Variants in UBR1 observed in about 807,000 individuals in gnomAD.
UBR1 encodes E3 ubiquitin-protein ligase UBR1.
A neutral mutation model predicts 242.1 loss-of-function variants in UBR1; 102 were observed. The ratio of observed to expected loss-of-function variants is 0.42; its 90% confidence interval spans 0.36 to 0.50. The LOEUF (loss-of-function observed/expected upper bound fraction) is 0.50. UBR1 is among the 20% of genes least tolerant of loss of function. The probability of loss-of-function intolerance (pLI) is 0.01; values close to 1 mark genes in which losing one functional copy is unlikely to be tolerated. For synonymous variants in UBR1, 675 were observed against 684.8 expected (o/e 0.99, Z 0.22); for missense variants, 1,772 against 2,101.8 (o/e 0.84, Z 3.07).
chr15:43,081,365 C>G (rs889221917), intron 3 of UBR1, among the ~76,000 whole-genome samples: 24 of 148,568 alleles, frequency 1.6e-4, no homozygotes, highest in African/African-American at 5.5e-4. Flanking sequence ...TGTGGTGAGC[C>G]GAGATCGCAC....
rs2032327436 is a variant in UBR1, at chr15:42,978,733, T to C, written c.4151-786A>G. Among the ~76,000 whole-genome samples, 2 of 131,706 alleles carry C rather than the reference T, an allele frequency of 1.5e-5. 1 individual carries two copies. Among genetic ancestry groups the C allele is most frequent in the Admixed American group, 1.5e-4 (2 of 13,512 alleles). 86.4% of individuals were successfully genotyped at this position (131,706 alleles called of 152,430 possible). A position where few individuals can be genotyped will look rare whatever the true frequency, so the allele number is the denominator to read the frequency against. On this transcript the variant is annotated intron_variant, in intron 37 of 46. Transcript: ENST00000290650. The stretch of plus-strand genomic sequence containing the variant: ...GGTAAATTTCTTTTCTTTTCTTTTC[T>C]TTTTTTTTTTTTTTAGACAGAATCT...
intron 32 of UBR1, among the ~76,000 whole-genome samples, chr15:43,001,288 T>C (rs759992266): frequency 4.6e-5 from 7 of 152,034 alleles, no homozygotes; most frequent in African/African-American, 1.4e-4. Context: ...GCTGGGATTA[T>C]AGGTGCCCAC....
chr15:43,022,805 A>T lies in UBR1; in HGVS notation c.2740-4T>A. 2 of 1,593,260 alleles carry T rather than the reference A, an allele frequency of 1.3e-6. No individual in the cohort carries two copies. Among genetic ancestry groups the T allele is most frequent in the Non-Finnish European group, 1.7e-6 (2 of 1,162,460 alleles). On this transcript the variant is annotated splice_region_variant and splice_polypyrimidine_tract_variant and intron_variant, in intron 25 of 46. Coordinates refer to ENST00000290650, the MANE Select transcript of UBR1 (RefSeq NM_174916.3). ...CCAATGCCAGAATATGAAAAGCCTG[A>T]AGGAGGAAAATAAGAGATCTTTAAA...
chr15:43,004,705 C>T (rs1426416830), intron 30 of UBR1, among the ~76,000 whole-genome samples: 1 of 152,220 alleles, frequency 6.6e-6, no homozygotes, highest in East Asian at 1.9e-4. Context: ...GGCTGGAGTG[C>T]AGTGGCGTGA....
intron 1 of UBR1, among the ~76,000 whole-genome samples, chr15:43,094,992 C>G (rs1334000993): frequency 6.6e-5 from 10 of 152,268 alleles, no homozygotes; most frequent in African/African-American, 2.4e-4. Flanking sequence ...TCTTTTTCAT[C>G]TCTGTCATAA....
At chr15:42,961,691 C>A (rs1291197495) in intron 42 of UBR1, among the ~76,000 whole-genome samples, 1 of 151,854 alleles carries the variant, frequency 6.6e-6, no homozygotes, top group Non-Finnish European at 1.5e-5. Context: ...CCTCGGCCTC[C>A]CAAAGTGCTG....
intron 17 of UBR1, 108 bp downstream of exon 17, chr15:43,037,665 T>A: frequency 3.4e-6 from 3 of 892,888 alleles, no homozygotes; most frequent in Non-Finnish European, 5.5e-6. Flanking sequence ...TACAAGAGAA[T>A]AGTAACATAC....
intron 39 of UBR1, among the ~76,000 whole-genome samples, chr15:42,971,317 A>G (rs1277078641): frequency 6.6e-6 from 1 of 152,146 alleles, no homozygotes; most frequent in African/African-American, 2.4e-5. Flanking sequence ...GAACTTTGTG[A>G]GGTTATTTTC....
At position 43,017,691 on chromosome 15, in the gene UBR1, T is replaced by G. The variant is rs112882183; in HGVS notation, c.2941-510A>C. 5.9e-3 allele frequency among the ~76,000 whole-genome samples: 889 copies of G among 151,874 alleles called. 9 individuals carry two copies. The highest frequency in any genetic ancestry group is 0.02 in the African/African-American group (839 of 41,400). On this transcript the variant is annotated intron_variant, in intron 27 of 46. Transcript: ENST00000290650. The stretch of plus-strand genomic sequence containing the variant: ...TGGGCGTGGTGACCCATGCCTGTGA[T>G]GCCAGCTACTTGGGAGGCTGAGGCA...
intron 46 of UBR1, among the ~76,000 whole-genome samples, chr15:42,949,582 T>C (rs2141248119): frequency 7.8e-6 from 1 of 128,868 alleles, no homozygotes; most frequent in Non-Finnish European, 1.8e-5. Context: ...GTAGATCACT[T>C]GAGGTCAGGA....
chr15:43,095,920 G>T (rs1236123016), intron 1 of UBR1, among the ~76,000 whole-genome samples: 1 of 152,200 alleles, frequency 6.6e-6, no homozygotes, highest in Non-Finnish European at 1.5e-5. Flanking sequence ...AACATAAAGT[G>T]AGTCACACAA....
At chr15:43,082,493 C>T in intron 3 of UBR1, 145 bp downstream of exon 3, 1 of 701,324 alleles carries the variant, frequency 1.4e-6, no homozygotes, top group East Asian at 2.8e-5. Flanking sequence ...AACACACATC[C>T]CTTATCTCTT....
intron 1 of UBR1, among the ~76,000 whole-genome samples, chr15:43,093,587 C>T (rs1485327010): frequency 6.6e-6 from 1 of 152,016 alleles, no homozygotes. Context: ...TCAAGACCAG[C>T]GTAGGCAACA....
chr15:42,956,710 T>C (rs2031927732), intron 44 of UBR1, among the ~76,000 whole-genome samples: 1 of 152,154 alleles, frequency 6.6e-6, no homozygotes, highest in Admixed American at 6.6e-5. Flanking sequence ...AAGCTGGCAT[T>C]TTGTGTAGTG....
chr15:43,096,794 C>T (rs2034167326), intron 1 of UBR1, among the ~76,000 whole-genome samples: 1 of 152,174 alleles, frequency 6.6e-6, no homozygotes, highest in South Asian at 2.1e-4. Flanking sequence ...ACTTCAACCT[C>T]CACTTCTAAT....
rs1341158230 is a variant in UBR1 at position 42,964,104 on chromosome 15, T to A, written c.4592-61A>T. On this transcript the variant is annotated intron_variant, in intron 41 of 46. Coordinates refer to ENST00000290650, the MANE Select transcript of UBR1 (RefSeq NM_174916.3). ...TATTCTTACCTGGTCAATCTGTGCA[T>A]TAGAGTTTCTTCACTGTTTATGCTT... 3.5e-6 allele frequency: 4 copies of A among 1,131,426 alleles called. No individual in the cohort carries two copies. The East Asian group carries it at 9.6e-5, about 27-fold the overall frequency. The allele number at this position is 1,131,426 out of a possible 1,614,324, so 70.1% of individuals were successfully genotyped here. A position where few individuals can be genotyped will look rare whatever the true frequency, so the allele number is the denominator to read the frequency against.
At chr15:42,985,989 CAA>C (rs1230190123) in intron 35 of UBR1, among the ~76,000 whole-genome samples, 8 of 47,036 alleles carry the variant, frequency 1.7e-4, no homozygotes, top group African/African-American at 2.4e-4. Flanking sequence ...GACCCTGTCT[CAA>C]AAAAAAAAAA....
chr15:42,969,459 T>C (rs979701538), intron 40 of UBR1, among the ~76,000 whole-genome samples: 1 of 152,244 alleles, frequency 6.6e-6, no homozygotes, highest in Admixed American at 6.5e-5. Context: ...TTTCCTGTTC[T>C]GTAGGTTGCC....
chr15:42,989,678 GAAAGTCAC>G (rs1445446546), intron 34 of UBR1, among the ~76,000 whole-genome samples: 4 of 152,246 alleles, frequency 2.6e-5, no homozygotes, highest in South Asian at 4.1e-4. Flanking sequence ...AGACTTTTCA[GAAAGTCAC>G]AAAGCAAGTT....
Sources: gnomAD v4.1 joint callset for allele counts (sites outside exome capture counted in the v4.1 genomes callset) on GRCh38, gnomAD v4.1.1 for gene constraint, MANE v1.5 for transcripts, NCBI Gene and HGNC (gene_info 2026-07-23, HGNC 2026-07-21) for gene names.